Variants in PHACTR3 observed in about 807,000 individuals in gnomAD.
PHACTR3 encodes the protein protein phosphatase 1, regulatory subunit 123.
PHACTR3 carries 16 observed loss-of-function variants against 66.8 expected under a neutral mutation model. The observed-to-expected ratio is 0.24, with a 90% CI of 0.16 to 0.36. PHACTR3 has a LOEUF of 0.36. Among genes scored for constraint, PHACTR3 ranks in the 10% least tolerant of loss-of-function variants. The pLI, the probability that PHACTR3 is intolerant of heterozygous loss-of-function variation, is 1.00. For missense variants in PHACTR3, 647 were observed against 719.9 expected (o/e 0.90, Z 1.16); for synonymous variants, 323 against 292.1 (o/e 1.11, Z -1.08).
At chr20:59,655,473 T>C (rs1004588710) in intron 1 of PHACTR3, among the ~76,000 whole-genome samples, 8 of 151,982 alleles carry the variant, frequency 5.3e-5, no homozygotes, top group Non-Finnish European at 1.2e-4. Context: ...CCTTATAATT[T>C]ATTTCTGTGA....
intron 1 of PHACTR3, among the ~76,000 whole-genome samples, chr20:59,734,507 A>G (rs1759687169): frequency 6.6e-6 from 1 of 152,058 alleles, no homozygotes; most frequent in African/African-American, 2.4e-5. Flanking sequence ...GCCCTCCTGC[A>G]TTGGCTTCCC....
intron 8 of PHACTR3, among the ~76,000 whole-genome samples, chr20:59,822,069 C>CTTTCT (rs1568856247): frequency 1.1e-5 from 1 of 94,358 alleles, no homozygotes; most frequent in African/African-American, 6.6e-5. Flanking sequence ...CGATCCGCCC[C>CTTTCT]GCAACGATCC....
chr20:59,805,204 T>C (rs1307722022), intron 7 of PHACTR3, among the ~76,000 whole-genome samples: 1 of 152,142 alleles, frequency 6.6e-6, no homozygotes, highest in Non-Finnish European at 1.5e-5. Flanking sequence ...ATATAAACAT[T>C]CCATTCCCTA....
intron 8 of PHACTR3, among the ~76,000 whole-genome samples, chr20:59,809,311 G>A (rs915145505): frequency 5.3e-5 from 8 of 152,150 alleles, no homozygotes; most frequent in Non-Finnish European, 8.8e-5. Context: ...ATTTCTACCA[G>A]CGGTTGGGAC....
intron 1 of PHACTR3, among the ~76,000 whole-genome samples, chr20:59,634,173 A>C (rs1263721276): frequency 6.6e-6 from 1 of 152,184 alleles, no homozygotes; most frequent in Non-Finnish European, 1.5e-5. Flanking sequence ...CAGTATTTTA[A>C]TGCTTTAGGG....
At chr20:59,831,076 G>A (rs1568865832) in intron 8 of PHACTR3, among the ~76,000 whole-genome samples, 2 of 152,094 alleles carry the variant, frequency 1.3e-5, no homozygotes, top group Non-Finnish European at 1.5e-5. Flanking sequence ...ACAGCACAGG[G>A]CCAGGTGTGT....
Position 59,681,514 on chromosome 20 carries a change from G to T in PHACTR3, c.119-61593G>T, listed in dbSNP as rs578185718. Among the ~76,000 whole-genome samples the T allele has an allele frequency of 3.3e-5, 5 of 152,324 alleles. No individual in the cohort carries two copies. The East Asian group carries it at 9.6e-4, about 29-fold the overall frequency. ...AACATTTGCCTCACCCACTTGGCAG[G>T]TTAATCAAATGGGTAGATGACACAA... On this transcript the variant is annotated intron_variant, in intron 1 of 12. Coordinates refer to ENST00000371015, the MANE Select transcript of PHACTR3 (RefSeq NM_080672.5).
At chr20:59,780,469 G>C (rs1471053240) in intron 7 of PHACTR3, among the ~76,000 whole-genome samples, 1 of 152,194 alleles carries the variant, frequency 6.6e-6, no homozygotes. Context: ...TGCCTTCTAT[G>C]TGTCCTCACA....
chr20:59,754,900 C>T (rs992552743), intron 3 of PHACTR3, among the ~76,000 whole-genome samples: 2 of 152,208 alleles, frequency 1.3e-5, no homozygotes, highest in African/African-American at 2.4e-5. Flanking sequence ...TGGGTGTGGA[C>T]GTGGCTCAGG....
At chr20:59,800,007 C>T (rs2041367004) in intron 7 of PHACTR3, among the ~76,000 whole-genome samples, 1 of 152,072 alleles carries the variant, frequency 6.6e-6, no homozygotes. Flanking sequence ...TTATAGCATA[C>T]CTCTCTTATC....
intron 1 of PHACTR3, among the ~76,000 whole-genome samples, chr20:59,650,873 G>T (rs1036966760): frequency 1.3e-5 from 2 of 152,120 alleles, no homozygotes; most frequent in Non-Finnish European, 2.9e-5. Flanking sequence ...AGTGTGGCAG[G>T]GTTGGGGGCT....
chr20:59,691,479 ATTTTTGGAC>A (rs966973133), intron 1 of PHACTR3, among the ~76,000 whole-genome samples: 4 of 152,006 alleles, frequency 2.6e-5, no homozygotes, highest in African/African-American at 7.2e-5. Context: ...TTTTGTGTCT[ATTTTTGGAC>A]TTTTCATTTT....
intron 1 of PHACTR3, among the ~76,000 whole-genome samples, chr20:59,730,566 G>A (rs2038727650): frequency 2.6e-5 from 4 of 152,186 alleles, no homozygotes; most frequent in African/African-American, 9.6e-5. Context: ...AACTGTACAG[G>A]TGAAAGTGAT....
chr20:59,692,776 G>T (rs1471738615), intron 1 of PHACTR3, among the ~76,000 whole-genome samples: 12 of 152,120 alleles, frequency 7.9e-5, no homozygotes, highest in African/African-American at 2.9e-4. Flanking sequence ...TTATGACCTT[G>T]GGCAACTTAC....
intron 1 of PHACTR3, among the ~76,000 whole-genome samples, chr20:59,666,054 G>T (rs1053870541): frequency 2.6e-5 from 4 of 152,138 alleles, no homozygotes; most frequent in Non-Finnish European, 4.4e-5. Context: ...GGTGGAGGGG[G>T]CTGTGAAGGT....
intron 1 of PHACTR3, among the ~76,000 whole-genome samples, chr20:59,644,830 A>G (rs1201584639): frequency 6.6e-6 from 1 of 151,958 alleles, no homozygotes; most frequent in East Asian, 1.9e-4. Flanking sequence ...TTTGTTGGCC[A>G]GTGTTTTTTT....
chr20:59,665,268 A>G (rs544084314), intron 1 of PHACTR3, among the ~76,000 whole-genome samples: 1 of 152,322 alleles, frequency 6.6e-6, no homozygotes, highest in African/African-American at 2.4e-5. Flanking sequence ...TCTCCAGGAC[A>G]GATTCTCAGA....
intron 1 of PHACTR3, among the ~76,000 whole-genome samples, chr20:59,731,333 T>A (rs1462048700): frequency 1.3e-5 from 2 of 152,236 alleles, no homozygotes; most frequent in African/African-American, 4.8e-5. Context: ...GGTGGGCCTC[T>A]TGTACAATAA....
chr20:59,786,098 C>T (rs1480219349), intron 7 of PHACTR3, among the ~76,000 whole-genome samples: 2 of 152,248 alleles, frequency 1.3e-5, no homozygotes, highest in African/African-American at 4.8e-5. Context: ...TTTGCCAGCT[C>T]CCTCCTCAAC....
Sources: allele counts gnomAD v4.1 joint callset (sites outside exome capture counted in the v4.1 genomes callset), GRCh38; gene constraint gnomAD v4.1.1; transcripts MANE v1.5; gene names NCBI Gene and HGNC (gene_info 2026-07-23, HGNC 2026-07-21).